HACL1: variants seen among roughly 807,000 people sequenced by gnomAD.
HACL1 encodes the protein 2-hydroxyacyl-CoA lyase 1.
HACL1 carries 64 observed loss-of-function variants against 74.2 expected under a neutral mutation model. That is an observed-to-expected ratio of 0.86 (90% CI 0.70 to 1.06). The LOEUF (loss-of-function observed/expected upper bound fraction) is 1.06, where lower values mean the gene tolerates loss of function less well. Among genes scored for constraint, HACL1 ranks in the 50% least tolerant of loss-of-function variants. HACL1 has a pLI of 0.00. For missense variants in HACL1, 728 were observed against 719.7 expected (o/e 1.01, Z -0.13); for synonymous variants, 230 against 238.8 (o/e 0.96, Z 0.34).
chr3:15,564,767 G>C (rs1433395089), intron 14 of HACL1, 109 bp from the exon 15 acceptor site: 2 of 562,508 alleles, frequency 3.6e-6, no homozygotes, highest in Non-Finnish European at 6.3e-6. Context: ...TAAGCTTTTT[G>C]TATTATTAGA....
chr3:15,601,507 G>C lies in HACL1; in HGVS notation c.-44C>G. ...AAGCACTCACGCAGCCGGCAAACAA[G>C]CGGAATCATCCAGCAAGGCAAACGC... On this transcript the variant is annotated 5_prime_UTR_variant, in exon 1 of 17. Coordinates refer to ENST00000321169, the MANE Select transcript of HACL1 (RefSeq NM_012260.4). 1 of 1,609,800 alleles carries C rather than the reference G, an allele frequency of 6.2e-7. No individual in the cohort carries two copies. Among genetic ancestry groups the C allele is most frequent in the Non-Finnish European group, 8.5e-7 (1 of 1,180,012 alleles).
At chr3:15,592,606 A>C (rs546922414) in intron 3 of HACL1, among the ~76,000 whole-genome samples, 1 of 107,010 alleles carries the variant, frequency 9.3e-6, no homozygotes. Flanking sequence ...ATGTACGCAC[A>C]TGTGTGCGTG....
intron 2 of HACL1, among the ~76,000 whole-genome samples, chr3:15,600,518 T>C (rs575572877): frequency 3.3e-5 from 5 of 152,348 alleles, no homozygotes; most frequent in South Asian, 4.1e-4. Flanking sequence ...GGTGGCAGCA[T>C]GATGTGGTGG....
At chr3:15,578,416 GC>G (rs762439173) in intron 9 of HACL1, among the ~76,000 whole-genome samples, 35 of 152,168 alleles carry the variant, frequency 2.3e-4, no homozygotes, top group Admixed American at 7.2e-4. Flanking sequence ...TCCAATGCCA[GC>G]CAAGATTGGC....
intron 2 of HACL1, among the ~76,000 whole-genome samples, chr3:15,599,295 T>C (rs1247685690): frequency 6.6e-6 from 1 of 152,152 alleles, no homozygotes; most frequent in African/African-American, 2.4e-5. Context: ...ACTAAGCTTA[T>C]AGGGGCTGAA....
chr3:15,571,733 G>T lies in HACL1; in HGVS notation c.1030C>A (p.Pro344Thr). The T allele has an allele frequency of 1.3e-6, 2 of 1,502,410 alleles. No individual in the cohort carries two copies. Among genetic ancestry groups the T allele is most frequent in the Non-Finnish European group, 1.8e-6 (2 of 1,089,642 alleles). The allele number at this position is 1,502,410 out of a possible 1,614,324, so 93.1% of individuals were successfully genotyped here. ...GTTTTCCACCACTTGCTCTCTGGAG[G>T]ATACTGCCATGGTGTTTTATCAAGT... ...EELDKTPWQYPPESKWWKTLR... is the reference protein window; with the variant it reads ...EELDKTPWQYTPESKWWKTLR... The change falls in exon 12 of 17, where the codon CCT becomes ACT. Residue 344 changes from proline to threonine, a missense_variant. Transcript: ENST00000321169.
At chr3:15,587,052 A>G (rs2063807984) in intron 5 of HACL1, among the ~76,000 whole-genome samples, 1 of 152,186 alleles carries the variant, frequency 6.6e-6, no homozygotes, top group Non-Finnish European at 1.5e-5. Flanking sequence ...TTCCTTTTAT[A>G]TACTTTCTTG....
At position 15,564,555 on chromosome 3, in the gene HACL1, C is replaced by A. The variant is rs765496549; in HGVS notation, c.1513G>T (p.Ala505Ser). ...ACATTGGTCTTGGTTACTTACACTGCAGTAGCATCTTGAAATTTTAACATT... is the reference window on the plus strand; with the variant it reads ...ACATTGGTCTTGGTTACTTACACTGAAGTAGCATCTTGAAATTTTAACATT... Reference protein sequence around the residue: ...KEMLKFQDATAVVPPMCLLPN... With the variant: ...KEMLKFQDATSVVPPMCLLPN... The change falls in exon 15 of 17, where the codon GCA (alanine) becomes TCA (serine). Residue 505 changes from alanine to serine, a missense_variant. Ala to Ser is a moderately conservative substitution (Grantham distance 99). Coordinates refer to ENST00000321169, the MANE Select transcript of HACL1 (RefSeq NM_012260.4). 16 of 1,345,148 alleles carry A rather than the reference C, an allele frequency of 1.2e-5. No individual in the cohort carries two copies. Among genetic ancestry groups the A allele is most frequent in the Middle Eastern group, 1.8e-4 (1 of 5,530 alleles). The allele number at this position is 1,345,148 out of a possible 1,614,324, so 83.3% of individuals were successfully genotyped here.
At chr3:15,590,185 T>C (rs2063866140) in intron 4 of HACL1, among the ~76,000 whole-genome samples, 1 of 152,172 alleles carries the variant, frequency 6.6e-6, no homozygotes, top group Non-Finnish European at 1.5e-5. Flanking sequence ...ACGCTAAGCT[T>C]CCAGGTATAT....
At chr3:15,589,245 C>G (rs2063848796) in intron 5 of HACL1, among the ~76,000 whole-genome samples, 7 of 151,924 alleles carry the variant, frequency 4.6e-5, no homozygotes, top group Admixed American at 4.6e-4. Flanking sequence ...GCTTGTAATC[C>G]CAGCACTTTG....
chr3:15,588,248 T>G (rs930380449), intron 5 of HACL1, among the ~76,000 whole-genome samples: 4 of 152,194 alleles, frequency 2.6e-5, no homozygotes, highest in South Asian at 2.1e-4. Flanking sequence ...ATATCTTAAG[T>G]GTCAATCATT....
At chr3:15,578,522 T>C (rs898475325) in intron 9 of HACL1, among the ~76,000 whole-genome samples, 15 of 152,350 alleles carry the variant, frequency 9.8e-5, no homozygotes, top group African/African-American at 2.9e-4. Flanking sequence ...GCAGCCCTAG[T>C]TGCAGAACTG....
At position 15,600,907 on chromosome 3, in the gene HACL1, T is replaced by C. The variant is rs567770706; in HGVS notation, c.186+183A>G. 3 of 618,286 alleles carry C rather than the reference T, an allele frequency of 4.9e-6. No homozygotes were observed. In the African/African-American group the frequency reaches 5.5e-5, roughly 11 times the overall value. 38.3% of individuals were successfully genotyped at this position (618,286 alleles called of 1,614,324 possible). A position where few individuals can be genotyped will look rare whatever the true frequency, so the allele number is the denominator to read the frequency against. On this transcript the variant is annotated intron_variant, in intron 2 of 16. Transcript: ENST00000321169. ...TGTGTCACCAAAGGCAAGTTTTACT[T>C]AACCTGTGTCTTTTCTCATCTGTCA... is the stretch of plus-strand genomic sequence containing the variant.
rs1019926113 is a variant in HACL1 at position 15,567,109 on chromosome 3, C to T, written c.1409+735G>A. On this transcript the variant is annotated intron_variant, in intron 14 of 16. Transcript: ENST00000321169. ...TGTTGGGATTACGGGCATGAGCTAC[C>T]ACGCCCAGCCTTGGTTAAGTGACTT... Among the ~76,000 whole-genome samples the T allele has an allele frequency of 2.6e-5, 4 of 151,764 alleles. No individual in the cohort carries two copies. In the South Asian group the frequency reaches 8.3e-4, roughly 32 times the overall value.
At chr3:15,563,622 A>G in intron 15 of HACL1, 78 bp from the exon 16 acceptor site, 1 of 879,146 alleles carries the variant, frequency 1.1e-6, no homozygotes, top group Non-Finnish European at 1.8e-6. Flanking sequence ...GAAATACTTC[A>G]TTAAAAAAAT....
chr3:15,586,577 T>C lies in HACL1; in HGVS notation c.407A>G (p.Lys136Arg). 4 of 1,598,280 alleles carry C rather than the reference T, an allele frequency of 2.5e-6. No individual in the cohort carries two copies. Among genetic ancestry groups the C allele is most frequent in the Non-Finnish European group, 3.4e-6 (4 of 1,166,876 alleles). Residue 136 changes from lysine to arginine, a missense_variant, in exon 6 of 17, where the codon AAG becomes AGG. Coordinates refer to ENST00000321169, the MANE Select transcript of HACL1 (RefSeq NM_012260.4). ...PQVEACRLYTKFSARPSSIEA... is the reference protein window; with the variant it reads ...PQVEACRLYTRFSARPSSIEA... ...TATGCTGCTTGGGCGGGCAGAGAAC[T>C]TGGTATATAATCTACAAGCTTCAAC...
At chr3:15,599,508 G>GT (rs1351539836) in intron 2 of HACL1, among the ~76,000 whole-genome samples, 1 of 142,344 alleles carries the variant, frequency 7.0e-6, no homozygotes, top group African/African-American at 2.7e-5. Flanking sequence ...ATTGCCTACT[G>GT]TTAAAAAAAA....
In HACL1 at chr3:15,563,561, T is replaced by C. The variant is rs1159161469; in HGVS notation, c.1518-17A>G. On this transcript the variant is annotated splice_polypyrimidine_tract_variant and intron_variant, in intron 15 of 16. Transcript: ENST00000321169. ...GGAGGGACCCTGAAAAACAAGGTCA[T>C]GAGTCAATGAAATTTAAATCTTAAA... 2 of 1,505,352 alleles carry C rather than the reference T, an allele frequency of 1.3e-6. No homozygotes were observed. The highest frequency in any genetic ancestry group is 1.4e-5 in the African/African-American group (1 of 72,078). 93.2% of individuals were successfully genotyped at this position (1,505,352 alleles called of 1,614,324 possible).
At chr3:15,570,152 T>A (rs1052697170) in intron 12 of HACL1, among the ~76,000 whole-genome samples, 1 of 152,000 alleles carries the variant, frequency 6.6e-6, no homozygotes, top group Admixed American at 6.5e-5. Flanking sequence ...CTGGCCAACA[T>A]GGTGAAACTC....
Sources: allele counts gnomAD v4.1 joint callset (sites outside exome capture counted in the v4.1 genomes callset), GRCh38; gene constraint gnomAD v4.1.1; transcripts MANE v1.5; gene names NCBI Gene and HGNC (gene_info 2026-07-23, HGNC 2026-07-21).